SGSM3: variants seen among roughly 807,000 people sequenced by gnomAD.
SGSM3 encodes the protein RUN and SH3 containing 3.
SGSM3 carries 96 observed loss-of-function variants against 100.5 expected under a neutral mutation model. The ratio of observed to expected loss-of-function variants is 0.96; its 90% CI spans 0.81 to 1.13. SGSM3 has a LOEUF of 1.13. SGSM3 is among the 50% of genes most tolerant of loss of function. SGSM3 has a pLI of 0.00. For synonymous variants in SGSM3, 483 were observed against 422.8 expected (o/e 1.14, Z -1.75); for missense variants, 1,001 against 1,015.8 (o/e 0.99, Z 0.20).
At chr22:40,396,358 G>A (rs1374329091) in intron 1 of SGSM3, among the ~76,000 whole-genome samples, 1 of 152,020 alleles carries the variant, frequency 6.6e-6, no homozygotes, top group Non-Finnish European at 1.5e-5. Flanking sequence ...TTGGGAGGCC[G>A]AGGCGGGTGG....
At chr22:40,393,241 C>T (rs2049595479) in intron 1 of SGSM3, among the ~76,000 whole-genome samples, 1 of 152,224 alleles carries the variant, frequency 6.6e-6, no homozygotes, top group South Asian at 2.1e-4. Flanking sequence ...CTCGGCCTCC[C>T]AAATAGCTGG....
intron 3 of SGSM3, among the ~76,000 whole-genome samples, 161 bp from the exon 4 acceptor site, chr22:40,401,978 G>A (rs1229889310): frequency 6.6e-6 from 1 of 152,210 alleles, no homozygotes; most frequent in Non-Finnish European, 1.5e-5. Context: ...GTTCAGAGAA[G>A]GTTGCGTGGT....
chr22:40,375,440 T>C (rs1295441128), intron 1 of SGSM3, among the ~76,000 whole-genome samples: 4 of 151,224 alleles, frequency 2.6e-5, no homozygotes, highest in Non-Finnish European at 5.9e-5. Context: ...ATTAGCTGGG[T>C]GTGGTGGCAG....
chr22:40,376,204 T>G (rs978651099), intron 1 of SGSM3: 11 of 105,912 alleles, frequency 1.0e-4, no homozygotes, highest in Non-Finnish European at 2.1e-4. Flanking sequence ...TTTTTTTTTT[T>G]TTTTTTGTCT....
Position 40,409,520 on chromosome 22 carries a change from A to G in SGSM3, c.2167A>G (p.Arg723Gly), listed in dbSNP as rs368389346. ...CCAGGACTGGGAGCTCCCTGCGAAG[A>G]GAGAGGTGGGTGGTGTGGGCCTCGT... ...LSQDWELPAK[R>G]EAQQPLKEGV... Residue 723 changes from arginine to glycine, a missense_variant, in exon 21 of 22, where the codon AGA (arginine) becomes GGA (glycine). Physicochemically the swap from Arg to Gly is moderately radical, Grantham distance 125. Coordinates refer to ENST00000248929, the MANE Select transcript of SGSM3 (RefSeq NM_015705.6). The G allele has an allele frequency of 1.2e-5, 19 of 1,599,306 alleles. No individual in the cohort carries two copies. Among genetic ancestry groups the G allele is most frequent in the African/African-American group, 4.1e-5 (3 of 74,068 alleles).
chr22:40,410,196 T>C lies in SGSM3; in HGVS notation c.*437T>C, dbSNP rs1388921794. On this transcript the variant is annotated 3_prime_UTR_variant, in exon 22 of 22. Coordinates refer to ENST00000248929, the MANE Select transcript of SGSM3 (RefSeq NM_015705.6). ...CTTCCTTGAGTGGTCTAGAAGGCAC[T>C]GCGTGGCCCCTCAGATGCTGGGACA... 1.9e-6 allele frequency: 2 copies of C among 1,064,604 alleles called. No individual in the cohort carries two copies. Among genetic ancestry groups the C allele is most frequent in the African/African-American group, 1.6e-5 (1 of 60,688 alleles). The allele number at this position is 1,064,604 out of a possible 1,614,324, so 65.9% of individuals were successfully genotyped here.
At position 40,409,301 on chromosome 22, in the gene SGSM3, C is replaced by G. The variant is rs138537467; in HGVS notation, c.2040C>G (p.Thr680=). The G allele has an allele frequency of 6.2e-7, 1 of 1,612,952 alleles. No homozygotes were observed. Among genetic ancestry groups the G allele is most frequent in the East Asian group, 2.2e-5 (1 of 44,858 alleles). ...AGGTGCTCTGCTCCAGCCTGCCCAC[C>G]GTGGAGAAGTGGTACCAGCCCTGGT... ...WLEVLCSSLP[T]VEKWYQPWSF... is the part of the protein sequence containing the mutation. Residue 680 remains threonine (T), a synonymous_variant, in exon 20 of 22, where the codon ACC becomes ACG. Coordinates refer to ENST00000248929, the MANE Select transcript of SGSM3 (RefSeq NM_015705.6).
At chr22:40,377,557 C>G (rs1277359300) in intron 1 of SGSM3, among the ~76,000 whole-genome samples, 1 of 152,134 alleles carries the variant, frequency 6.6e-6, no homozygotes, top group African/African-American at 2.4e-5. Context: ...TAAAATAGGC[C>G]TGGTGTCGTG....
At position 40,407,727 on chromosome 22, in the gene SGSM3, G is replaced by C; in HGVS notation, c.1525-62G>C. ...TAGTTGCTGAGGAGTCATATCGGGG[G>C]TGCAGGAGGCGCTGGCCCAGGGCAC... On this transcript the variant is annotated intron_variant, in intron 13 of 21. Coordinates refer to ENST00000248929, the MANE Select transcript of SGSM3 (RefSeq NM_015705.6). The surrounding 1 kb of genome is among the most constrained non-coding windows in gnomAD (Gnocchi z 4.7). 6.3e-7 allele frequency: 1 copy of C among 1,594,292 alleles called. No individual in the cohort carries two copies. The highest frequency in any genetic ancestry group is 8.6e-7 in the Non-Finnish European group (1 of 1,162,136).
intron 1 of SGSM3, among the ~76,000 whole-genome samples, chr22:40,383,741 CAG>C (rs1051471176): frequency 1.3e-5 from 2 of 152,140 alleles, no homozygotes; most frequent in African/African-American, 4.8e-5. Flanking sequence ...TCTATGGAAT[CAG>C]AGCTGTGCTT....
At chr22:40,372,733 A>T (rs531713304) in intron 1 of SGSM3, 1 of 152,290 alleles carries the variant, frequency 6.6e-6, no homozygotes, top group South Asian at 2.1e-4. Context: ...CCTGGAGTGG[A>T]TGTAGGAACA....
In SGSM3 at chr22:40,409,009, T is replaced by C. The variant is rs1371179737; in HGVS notation, c.1979T>C (p.Val660Ala). The change falls in exon 19 of 22, where the codon GTG becomes GCG. Residue 660 changes from valine to alanine, a missense_variant. Coordinates refer to ENST00000248929, the MANE Select transcript of SGSM3 (RefSeq NM_015705.6). ...MDVKLRSLIC[V>A]GLNEQVLHLW... ...GTGAAGCTCCGCTCACTGATCTGCG[T>C]GGGGCTCAAGTGAGTGTGGAAAAGG... 1.3e-6 allele frequency: 2 copies of C among 1,567,020 alleles called. No individual in the cohort carries two copies. The highest frequency in any genetic ancestry group is 2.4e-5 in the East Asian group (1 of 41,918).
Position 40,384,597 on chromosome 22 carries a change from G to T in SGSM3, c.-112+13909G>T, listed in dbSNP as rs567574493. 2.6e-4 allele frequency among the ~76,000 whole-genome samples: 39 copies of T among 152,154 alleles called. 2 individuals carry two copies. The South Asian group carries it at 4.4e-3, about 17-fold the overall frequency. On this transcript the variant is annotated intron_variant, in intron 1 of 21. Coordinates refer to ENST00000248929, the MANE Select transcript of SGSM3 (RefSeq NM_015705.6). ...AGATCGAGACCATCCTGGCTAACAC[G>T]GTGAAACCCTGTCTCTACTAAAAAT...
chr22:40,407,102 G>C lies in SGSM3; in HGVS notation c.1240+31G>C. On this transcript the variant is annotated intron_variant, in intron 11 of 21. Transcript: ENST00000248929. This position sits in a 1 kb window ranked among gnomAD's most constrained non-coding sequence, Gnocchi z 4.7. Reference sequence around the variant, plus strand: ...AGCTCTGCGAGTGCCAGGCAGTGTGGGCATGCGGGAGTCTGTCCTCACGCT... The same window carrying C: ...AGCTCTGCGAGTGCCAGGCAGTGTGCGCATGCGGGAGTCTGTCCTCACGCT... 1 of 1,605,726 alleles carries C rather than the reference G, an allele frequency of 6.2e-7. No homozygotes were observed. The highest frequency in any genetic ancestry group is 8.5e-7 in the Non-Finnish European group (1 of 1,176,320).
chr22:40,409,087 C>T (rs2052159195), intron 19 of SGSM3, 69 bp downstream of exon 19: 3 of 1,551,300 alleles, frequency 1.9e-6, no homozygotes, highest in African/African-American at 2.7e-5. Context: ...CAGGGGGGGT[C>T]CTTACAGGGA....
rs749167754 is a variant in SGSM3, at chr22:40,407,248, G to A, written c.1288G>A (p.Glu430Lys). The change falls in exon 12 of 22, where the codon GAA becomes AAA. Residue 430 changes from glutamate to lysine, a missense_variant. Coordinates refer to ENST00000248929, the MANE Select transcript of SGSM3 (RefSeq NM_015705.6). The surrounding 1 kb of genome is among the most constrained non-coding windows in gnomAD (Gnocchi z 4.7). The stretch of plus-strand genomic sequence containing the variant: ...CAAGGCCAAGAACATCAAGCAGACG[G>A]AACTGGTGGCTGACCTCCGGGAAGC... ...ALKAKNIKQT[E>K]LVADLREAIL... 6.2e-7 allele frequency: 1 copy of A among 1,613,652 alleles called. No homozygotes were observed. Among genetic ancestry groups the A allele is most frequent in the Non-Finnish European group, 8.5e-7 (1 of 1,180,026 alleles).
intron 1 of SGSM3, among the ~76,000 whole-genome samples, chr22:40,380,889 C>T (rs1359016859): frequency 1.3e-5 from 2 of 152,042 alleles, no homozygotes; most frequent in African/African-American, 4.8e-5. Flanking sequence ...GAGCTGTGAT[C>T]ACACCACTTC....
chr22:40,398,289 AG>A (rs1442986459), intron 1 of SGSM3, among the ~76,000 whole-genome samples: 1 of 107,938 alleles, frequency 9.3e-6, no homozygotes, highest in Non-Finnish European at 2.0e-5. Context: ...CTCTAATGTA[AG>A]GGTCAGGACT....
rs769499017 is a variant in SGSM3 at position 40,407,242 on chromosome 22, C to T, written c.1282C>T (p.Gln428Ter). Residue 428 changes from glutamine to a stop codon, truncating the protein, a stop_gained, in exon 12 of 22, where the codon CAG becomes TAG. Transcript: ENST00000248929. LOFTEE classifies it high-confidence loss of function. The surrounding 1 kb of genome is among the most constrained non-coding windows in gnomAD (Gnocchi z 4.7). The part of the protein sequence containing the change: ...LEALKAKNIK[Q>*]TELVADLREA... ...GGCACTCAAGGCCAAGAACATCAAG[C>T]AGACGGAACTGGTGGCTGACCTCCG... The T allele has an allele frequency of 1.2e-6, 2 of 1,613,694 alleles. No homozygotes were observed. Among genetic ancestry groups the T allele is most frequent in the Admixed American group, 1.7e-5 (1 of 60,026 alleles).
Sources: allele counts gnomAD v4.1 joint callset (sites outside exome capture counted in the v4.1 genomes callset), GRCh38; gene constraint gnomAD v4.1.1; non-coding constraint Gnocchi (gnomAD v3.1); transcripts MANE v1.5; gene names NCBI Gene and HGNC (gene_info 2026-07-23, HGNC 2026-07-21).